Variants in MACF1 observed in about 807,000 individuals in gnomAD.
MACF1 encodes the protein microtubule-actin cross-linking factor 1.
MACF1 carries 193 observed loss-of-function variants against 854.8 expected under a neutral mutation model. The ratio of observed to expected loss-of-function variants is 0.23; its 90% CI spans 0.20 to 0.25. The LOEUF is 0.25. MACF1 is among the 10% of genes least tolerant of loss of function. The pLI is 1.00. For missense variants in MACF1, 7,722 were observed against 8,929.1 expected (o/e 0.86, Z 5.45); for synonymous variants, 3,185 against 3,226.7 (o/e 0.99, Z 0.44).
chr1:39,173,929 CTTT>C (rs554430625), intron 2 of MACF1, among the ~76,000 whole-genome samples: 1 of 150,002 alleles, frequency 6.7e-6, no homozygotes, highest in African/African-American at 2.4e-5. Context: ...TTCTCTCTCT[CTTT>C]TTTTTTTCTT....
chr1:39,215,860 T>C (rs1644571354), intron 1 of MACF1, among the ~76,000 whole-genome samples: 1 of 152,064 alleles, frequency 6.6e-6, no homozygotes, highest in Non-Finnish European at 1.5e-5. Context: ...TTGGGGCTTA[T>C]TGCTAGTTCT....
intron 58 of MACF1, among the ~76,000 whole-genome samples, chr1:39,406,201 G>A (rs1385471828): frequency 6.6e-6 from 1 of 152,086 alleles, no homozygotes; most frequent in South Asian, 2.1e-4. Flanking sequence ...ATTTAAATTT[G>A]TTTTCCTAAC....
chr1:39,133,108 C>G (rs1423308442), intron 2 of MACF1, among the ~76,000 whole-genome samples: 4 of 152,174 alleles, frequency 2.6e-5, no homozygotes, highest in African/African-American at 9.7e-5. Flanking sequence ...GGCTGGATGC[C>G]CCTTGATCCC....
chr1:39,404,242 C>T lies in MACF1; in HGVS notation c.15816+15584C>T, dbSNP rs1557633583. Among the ~76,000 whole-genome samples the T allele has an allele frequency of 3.3e-5, 5 of 151,018 alleles. No homozygotes were observed. The South Asian group carries it at 1.0e-3, about 31-fold the overall frequency. ...GGGCATGGTGGCTCATGCTGTAAGC[C>T]CAGTTGGGAGGCTTAGGCAGGTGCA... On this transcript the variant is annotated intron_variant, in intron 58 of 100. Coordinates refer to ENST00000564288, the MANE Select transcript of MACF1 (RefSeq NM_001394062.1).
intron 2 of MACF1, among the ~76,000 whole-genome samples, chr1:39,101,571 T>A (rs1371460459): frequency 6.7e-6 from 1 of 149,664 alleles, no homozygotes; most frequent in African/African-American, 2.4e-5. Context: ...ACTCCTGTAA[T>A]CCCAGCACTT....
chr1:39,308,374 AT>A (rs1646232988), intron 23 of MACF1, among the ~76,000 whole-genome samples: 1 of 151,902 alleles, frequency 6.6e-6, no homozygotes, highest in Admixed American at 6.6e-5. Context: ...TGAACTTTGA[AT>A]TTCAACTCTA....
At position 39,333,885 on chromosome 1, in the gene MACF1, G is replaced by A. The variant is rs1241855667; in HGVS notation, c.7297G>A (p.Val2433Ile). 3.1e-6 allele frequency: 5 copies of A among 1,614,154 alleles called. No individual in the cohort carries two copies. Among genetic ancestry groups the A allele is most frequent in the Admixed American group, 1.7e-5 (1 of 60,020 alleles). ...GGCCTCAACTCTTGGCTTGGTGGAC[G>A]TTGCTGACCAGCCAGAACTTATAAA... is the stretch of plus-strand genomic sequence containing the variant. ...TLASTLGLVD[V>I]ADQPELINLE... Residue 2433 changes from valine to isoleucine, a missense_variant, in exon 37 of 101, where the codon GTT (valine) becomes ATT (isoleucine). Coordinates refer to ENST00000564288, the MANE Select transcript of MACF1 (RefSeq NM_001394062.1).
At chr1:39,222,382 C>T (rs953765470) in intron 1 of MACF1, among the ~76,000 whole-genome samples, 3 of 152,218 alleles carry the variant, frequency 2.0e-5, no homozygotes, top group Non-Finnish European at 2.9e-5. Context: ...ACCTTAACCT[C>T]TGAAAGTGCA....
At chr1:39,368,691 G>A (rs963370964) in intron 50 of MACF1, among the ~76,000 whole-genome samples, 26 of 151,972 alleles carry the variant, frequency 1.7e-4, no homozygotes, top group African/African-American at 6.3e-4. Context: ...TAGTAGAGAC[G>A]GGGTTTCCCT....
chr1:39,304,379 T>C, intron 23 of MACF1: 1 of 956,602 alleles, frequency 1.0e-6, no homozygotes, highest in Non-Finnish European at 1.7e-6. Flanking sequence ...GCCTCCATAT[T>C]GTGGGAGAAG....
chr1:39,363,604 C>CTTTCTT lies in MACF1; in HGVS notation c.12771+1930_12771+1931insCTTTTT, dbSNP rs771066867. The stretch of plus-strand genomic sequence containing the variant: ...AACAAGACTCTTTCTTTCTTTCTTT[C>CTTTCTT]TTTTTTTTTTTTTTTTGAGACAGAG... On this transcript the variant is annotated intron_variant, in intron 49 of 100. Coordinates refer to ENST00000564288, the MANE Select transcript of MACF1 (RefSeq NM_001394062.1). 6.2e-3 allele frequency among the ~76,000 whole-genome samples: 844 copies of CTTTCTT among 136,072 alleles called. 13 individuals are homozygous for CTTTCTT. The highest frequency in any genetic ancestry group is 0.044 in the East Asian group (208 of 4,758). 89.3% of individuals were successfully genotyped at this position (136,072 alleles called of 152,430 possible).
intron 97 of MACF1, among the ~76,000 whole-genome samples, chr1:39,475,862 C>T (rs192842761): frequency 6.6e-6 from 1 of 152,070 alleles, no homozygotes; most frequent in Admixed American, 6.5e-5. Context: ...ATCACCAGGT[C>T]AAGTCTAAGG....
chr1:39,435,861 A>G (rs1424427000), intron 70 of MACF1, 100 bp downstream of exon 70: 2 of 1,046,208 alleles, frequency 1.9e-6, no homozygotes, highest in Non-Finnish European at 2.8e-6. Flanking sequence ...TGTCCAGAGC[A>G]GCATGTTAAT....
chr1:39,287,891 A>G (rs1376293931), intron 15 of MACF1, among the ~76,000 whole-genome samples: 1 of 152,248 alleles, frequency 6.6e-6, no homozygotes, highest in East Asian at 1.9e-4. Flanking sequence ...ACAAATTCTC[A>G]CAGTCCCGTA....
Position 39,285,143 on chromosome 1 carries a change from G to C in MACF1, c.1192G>C (p.Glu398Gln). 1 of 1,614,222 alleles carries C rather than the reference G, an allele frequency of 6.2e-7. No individual in the cohort carries two copies. The highest frequency in any genetic ancestry group is 8.5e-7 in the Non-Finnish European group (1 of 1,180,034). The change falls in exon 12 of 101, where the codon GAA (glutamate) becomes CAA (glutamine). Residue 398 changes from glutamate (E) to glutamine (Q), a missense_variant. Glu to Gln is a conservative substitution (Grantham distance 29). Around this residue, in one of 15 missense-constraint regions of MACF1, gnomAD observed 1,137 missense variants for 1,263.0 expected, o/e 0.90. Transcript: ENST00000564288. ...AGGTTATCACCCTAATGATGTGGAAGAAGAGTGGGGAAAGCTCATCATAGA... is the reference window on the plus strand; with the variant it reads ...AGGTTATCACCCTAATGATGTGGAACAAGAGTGGGGAAAGCTCATCATAGA... ...PQGYHPNDVE[E>Q]EWGKLIIEML...
intron 40 of MACF1, among the ~76,000 whole-genome samples, chr1:39,343,813 A>C (rs1428555917): frequency 6.6e-6 from 1 of 152,124 alleles, no homozygotes; most frequent in Non-Finnish European, 1.5e-5. Context: ...GCAGGAGTGA[A>C]AGTTTATTTA....
rs1426509848 is a variant in MACF1 at position 39,409,636 on chromosome 1, G to A, written c.15817-12738G>A. 1 of 152,318 alleles carries A rather than the reference G, an allele frequency of 6.6e-6. No individual in the cohort carries two copies. Among genetic ancestry groups the A allele is most frequent in the Non-Finnish European group, 1.5e-5 (1 of 68,094 alleles). 9.4% of individuals were successfully genotyped at this position (152,318 alleles called of 1,614,324 possible). A position where few individuals can be genotyped will look rare whatever the true frequency, so the allele number is the denominator to read the frequency against. On this transcript the variant is annotated intron_variant, in intron 58 of 100. Transcript: ENST00000564288. This position sits in a 1 kb window ranked among gnomAD's most constrained non-coding sequence, Gnocchi z 4.2. The stretch of plus-strand genomic sequence containing the variant: ...ACAATGCCATGATGTTTTGGAGACA[G>A]GAAGCCCCAAGCTGGCCCCGAATGA...
chr1:39,224,310 A>G (rs1459182425), intron 1 of MACF1, among the ~76,000 whole-genome samples: 1 of 152,158 alleles, frequency 6.6e-6, no homozygotes, highest in African/African-American at 2.4e-5. Context: ...TATAATACAG[A>G]ATGAAAAGAA....
chr1:39,259,937 G>A (rs1184598956), intron 6 of MACF1, among the ~76,000 whole-genome samples: 1 of 152,160 alleles, frequency 6.6e-6, no homozygotes, highest in Non-Finnish European at 1.5e-5. Flanking sequence ...TTTCCTTGAA[G>A]CATTTAAAAA....
Sources: allele counts gnomAD v4.1 joint callset (sites outside exome capture counted in the v4.1 genomes callset), GRCh38; gene constraint gnomAD v4.1.1; regional missense constraint gnomAD v4.1.1; non-coding constraint Gnocchi (gnomAD v3.1); transcripts MANE v1.5; gene names NCBI Gene and HGNC (gene_info 2026-07-23, HGNC 2026-07-21).